The following DIO1 variants were observed in gnomAD, a reference collection of about 807,000 sequenced individuals.
The protein encoded by DIO1 is iodothyronine deiodinase 1.
A neutral mutation model predicts 25.9 loss-of-function variants in DIO1; 17 were observed. That is an observed-to-expected ratio of 0.66 (90% CI 0.45 to 0.98). The LOEUF (loss-of-function observed/expected upper bound fraction) is 0.98, where lower values mean the gene tolerates loss of function less well. DIO1 is among the 50% of genes least tolerant of loss of function. The pLI, the probability that DIO1 is intolerant of heterozygous loss-of-function variation, is 0.00. For missense variants in DIO1, 270 were observed against 310.4 expected (o/e 0.87, Z 0.98); for synonymous variants, 115 against 114.0 (o/e 1.01, Z -0.05).
intron 1 of DIO1, among the ~76,000 whole-genome samples, chr1:53,903,869 T>C (rs1383779777): frequency 6.6e-6 from 1 of 151,884 alleles, no homozygotes; most frequent in Non-Finnish European, 1.5e-5. Flanking sequence ...CGTCTTTATA[T>C]TTTAATAAAT....
chr1:53,896,466 C>G (rs1418349610), intron 1 of DIO1, among the ~76,000 whole-genome samples: 1 of 152,162 alleles, frequency 6.6e-6, no homozygotes, highest in Non-Finnish European at 1.5e-5. Context: ...GATCCACCCA[C>G]TTCGGCCTTC....
intron 1 of DIO1, among the ~76,000 whole-genome samples, chr1:53,896,610 C>A (rs1181869608): frequency 6.6e-6 from 1 of 151,920 alleles, no homozygotes; most frequent in Non-Finnish European, 1.5e-5. Context: ...AGTTGGGAAA[C>A]CCTGAATACT....
chr1:53,899,856 C>T lies in DIO1; in HGVS notation c.338-4810C>T, dbSNP rs943645811. On this transcript the variant is annotated intron_variant, in intron 1 of 3. Transcript: ENST00000361921. ...GCCTGGATAATTTTTTTTTAAGAGA[C>T]AGGGTCCTGCTATGTTGCCCAGGCT... 5.9e-5 allele frequency among the ~76,000 whole-genome samples: 9 copies of T among 151,990 alleles called. No homozygotes were observed. The East Asian group carries it at 1.7e-3, about 30-fold the overall frequency.
rs1232682522 is a variant in DIO1 at position 53,910,377 on chromosome 1, C to A, written c.*378C>A. ...TCTGAGGTACGGTATCTCTCTCCAG[C>A]CACTCTGATACCAAGTAATTCAAGC... On this transcript the variant is annotated 3_prime_UTR_variant, in exon 4 of 4. Transcript: ENST00000361921. 5.3e-6 allele frequency: 1 copy of A among 188,736 alleles called. No homozygotes were observed. The highest frequency in any genetic ancestry group is 1.1e-5 in the Non-Finnish European group (1 of 89,540). The allele number at this position is 188,736 out of a possible 1,614,324, so 11.7% of individuals were successfully genotyped here. A position where few individuals can be genotyped will look rare whatever the true frequency, so the allele number is the denominator to read the frequency against.
intron 1 of DIO1, among the ~76,000 whole-genome samples, chr1:53,901,366 G>A (rs1651349503): frequency 6.6e-6 from 1 of 152,142 alleles, no homozygotes; most frequent in South Asian, 2.1e-4. Flanking sequence ...AAGGTGTTGA[G>A]TGCTTTCCAG....
chr1:53,905,350 T>C (rs773077649), intron 2 of DIO1, among the ~76,000 whole-genome samples: 4 of 151,996 alleles, frequency 2.6e-5, no homozygotes, highest in Non-Finnish European at 4.4e-5. Context: ...GTTTTTTGTA[T>C]TTTTTGTAGA....
chr1:53,903,636 G>T lies in DIO1; in HGVS notation c.338-1030G>T, dbSNP rs181380138. Among the ~76,000 whole-genome samples, 911 of 151,918 alleles carry T rather than the reference G, an allele frequency of 6.0e-3. 29 individuals carry two copies. The highest frequency in any genetic ancestry group is 0.021 in the African/African-American group (867 of 41,208). On this transcript the variant is annotated intron_variant, in intron 1 of 3. Coordinates refer to ENST00000361921, the MANE Select transcript of DIO1 (RefSeq NM_000792.7). ...GGCCGAGGCCGGCGGATCACTTGAG[G>T]TCAGGAGTCTGAGACCAGCCTGGCC...
chr1:53,894,285 G>A lies in DIO1; in HGVS notation c.75G>A (p.Val25=). Residue 25 remains valine, a synonymous_variant, in exon 1 of 4, where the codon GTG becomes GTA. Transcript: ENST00000361921. The surrounding 1 kb of genome is among the most constrained non-coding windows in gnomAD (Gnocchi z 4.9). ...VLLEVAVHVV[V]GKVLLILFPD... is the part of the protein sequence containing the mutation. The stretch of plus-strand genomic sequence containing the variant: ...TGGAGGTGGCTGTGCATGTGGTCGT[G>A]GGTAAAGTGCTTCTGATATTGTTTC... 6.2e-7 allele frequency: 1 copy of A among 1,614,214 alleles called. No homozygotes were observed. Among genetic ancestry groups the A allele is most frequent in the Non-Finnish European group, 8.5e-7 (1 of 1,180,046 alleles).
chr1:53,902,527 C>T (rs1651419728), intron 1 of DIO1, among the ~76,000 whole-genome samples: 1 of 151,730 alleles, frequency 6.6e-6, no homozygotes, highest in Non-Finnish European at 1.5e-5. Context: ...GAGGAACAGG[C>T]CCTGCCCTCA....
intron 1 of DIO1, among the ~76,000 whole-genome samples, chr1:53,902,456 C>CATAATATAAG (rs1253956636): frequency 9.2e-5 from 14 of 151,714 alleles, no homozygotes; most frequent in African/African-American, 3.4e-4. Flanking sequence ...ATTTTAAGTG[C>CATAATATAAG]TGAATAAATA....
In DIO1 at chr1:53,902,506, C is replaced by T. The variant is rs554544861; in HGVS notation, c.338-2160C>T. Among the ~76,000 whole-genome samples, 3 of 151,490 alleles carry T rather than the reference C, an allele frequency of 2.0e-5. No individual in the cohort carries two copies. In the South Asian group the frequency reaches 6.2e-4, roughly 32 times the overall value. ...GAGAGTATACTACATTCTGGAGATT[C>T]GAGGATGAATGAGGAACAGGCCCTG... On this transcript the variant is annotated intron_variant, in intron 1 of 3. Coordinates refer to ENST00000361921, the MANE Select transcript of DIO1 (RefSeq NM_000792.7).
At chr1:53,904,839 T>C in intron 2 of DIO1, 30 bp downstream of exon 2, 1 of 1,596,134 alleles carries the variant, frequency 6.3e-7, no homozygotes, top group Non-Finnish European at 8.5e-7. Context: ...CTCTTCTACC[T>C]CTTCCCACTG....
At chr1:53,895,084 AC>A (rs559846647) in intron 1 of DIO1, among the ~76,000 whole-genome samples, 52 of 152,190 alleles carry the variant, frequency 3.4e-4, no homozygotes, top group Middle Eastern at 3.4e-3. Flanking sequence ...CCACTATTAC[AC>A]CCATGCCTGA....
At chr1:53,905,165 A>ATTTTTTTTT (rs1194459720) in intron 2 of DIO1, among the ~76,000 whole-genome samples, 1 of 119,024 alleles carries the variant, frequency 8.4e-6, no homozygotes, top group African/African-American at 3.2e-5. Flanking sequence ...CCTTATGGCT[A>ATTTTTTTTT]TTTTTTTTTT....
Position 53,894,735 on chromosome 1 carries a change from T to C in DIO1, c.337+188T>C, listed in dbSNP as rs936905064. On this transcript the variant is annotated intron_variant, in intron 1 of 3. Transcript: ENST00000361921. The surrounding 1 kb of genome is among the most constrained non-coding windows in gnomAD (Gnocchi z 4.9). ...GTTTCTCTAAGTAACATCACCACCT[T>C]CCCAGGCACTCAAATCACAAACCAT... 4.6e-5 allele frequency among the ~76,000 whole-genome samples: 7 copies of C among 152,204 alleles called. No homozygotes were observed. Among genetic ancestry groups the C allele is most frequent in the African/African-American group, 1.7e-4 (7 of 41,458 alleles).
chr1:53,904,450 A>C (rs1651536100), intron 1 of DIO1, among the ~76,000 whole-genome samples: 1 of 152,066 alleles, frequency 6.6e-6, no homozygotes, highest in Non-Finnish European at 1.5e-5. Context: ...CACTGAGACC[A>C]CCTAAAAAAA....
At position 53,894,610 on chromosome 1, in the gene DIO1, G is replaced by C; in HGVS notation, c.337+63G>C. On this transcript the variant is annotated intron_variant, in intron 1 of 3. Transcript: ENST00000361921. The surrounding 1 kb of genome is among the most constrained non-coding windows in gnomAD (Gnocchi z 4.9). ...TAGCAGTGGTAGAGGGGGATGAAGA[G>C]ATGGGTTGGAAAGTCCTGAATTCTC... The C allele has an allele frequency of 1.2e-5, 17 of 1,427,454 alleles. No individual in the cohort carries two copies. The highest frequency in any genetic ancestry group is 1.6e-5 in the Non-Finnish European group (17 of 1,049,976). The allele number at this position is 1,427,454 out of a possible 1,614,324, so 88.4% of individuals were successfully genotyped here.
chr1:53,894,200 G>T lies in DIO1; in HGVS notation c.-11G>T, dbSNP rs758753481. 6 of 1,607,894 alleles carry T rather than the reference G, an allele frequency of 3.7e-6. No individual in the cohort carries two copies. The highest frequency in any genetic ancestry group is 2.7e-5 in the African/African-American group (2 of 74,710). On this transcript the variant is annotated 5_prime_UTR_variant, in exon 1 of 4. Transcript: ENST00000361921. The surrounding 1 kb of genome is among the most constrained non-coding windows in gnomAD (Gnocchi z 4.9). ...CCCATAGAACTCAGAGCTTACTCTG[G>T]CTTTGCCGAGATGGGGCTGCCCCAG...
chr1:53,905,540 G>A (rs1651611412), intron 2 of DIO1, among the ~76,000 whole-genome samples: 1 of 152,168 alleles, frequency 6.6e-6, no homozygotes, highest in Admixed American at 6.5e-5. Context: ...CTTAAACTCA[G>A]TATGAATTAG....
Sources: allele counts gnomAD v4.1 joint callset (sites outside exome capture counted in the v4.1 genomes callset), GRCh38; gene constraint gnomAD v4.1.1; non-coding constraint Gnocchi (gnomAD v3.1); transcripts MANE v1.5; gene names NCBI Gene and HGNC (gene_info 2026-07-23, HGNC 2026-07-21).